The following PARN variants were observed in gnomAD, a reference collection of about 807,000 sequenced individuals.
The protein encoded by PARN is poly(A)-specific ribonuclease.
PARN carries 71 observed loss-of-function variants against 102.8 expected under a neutral mutation model. The observed-to-expected ratio is 0.69, with a 90% CI of 0.57 to 0.84. The LOEUF (loss-of-function observed/expected upper bound fraction) is 0.84, where lower values mean the gene tolerates loss of function less well. Ranked by LOEUF, PARN falls within the 40% of genes least tolerant of loss-of-function variation. The probability of loss-of-function intolerance (pLI) is 0.00; values close to 1 mark genes in which losing one functional copy is unlikely to be tolerated. For missense variants in PARN, 782 were observed against 760.9 expected, an observed-to-expected ratio of 1.03 and a Z score of -0.33; for synonymous variants, 261 against 252.9, an observed-to-expected ratio of 1.03 and a Z score of -0.30.
chr16:14,447,687 T>C (rs1257161684), intron 22 of PARN, among the ~76,000 whole-genome samples: 1 of 152,248 alleles, frequency 6.6e-6, no homozygotes, highest in Non-Finnish European at 1.5e-5. Context: ...AGATTATGTG[T>C]CCTGATTTTT....
chr16:14,495,596 G>A (rs1365054671), intron 21 of PARN, among the ~76,000 whole-genome samples: 9 of 152,240 alleles, frequency 5.9e-5, no homozygotes, highest in Admixed American at 2.6e-4. Context: ...GGACCACAGC[G>A]AGAGGAGAGT....
At chr16:14,479,935 A>C (rs185542706) in intron 22 of PARN, among the ~76,000 whole-genome samples, 1 of 151,888 alleles carries the variant, frequency 6.6e-6, no homozygotes, top group South Asian at 2.1e-4. Context: ...AAAAAAAAAA[A>C]AGAGACAATC....
chr16:14,576,880 T>TA (rs1969177148), intron 18 of PARN, among the ~76,000 whole-genome samples: 1 of 152,166 alleles, frequency 6.6e-6, no homozygotes, highest in African/African-American at 2.4e-5. Flanking sequence ...CAGTATGGCT[T>TA]AAAAAAACAC....
chr16:14,568,952 C>T (rs1228025325), intron 18 of PARN, among the ~76,000 whole-genome samples: 1 of 151,920 alleles, frequency 6.6e-6, no homozygotes, highest in Admixed American at 6.6e-5. Context: ...TGGCTCATGT[C>T]TGAAAACCCA....
intron 23 of PARN, among the ~76,000 whole-genome samples, chr16:14,444,252 C>G (rs913148648): frequency 6.6e-6 from 1 of 152,058 alleles, no homozygotes; most frequent in Non-Finnish European, 1.5e-5. Context: ...CAGAAGAAAG[C>G]TCGATTCACT....
At chr16:14,564,004 C>T (rs907384011) in intron 18 of PARN, among the ~76,000 whole-genome samples, 5 of 152,250 alleles carry the variant, frequency 3.3e-5, no homozygotes, top group Admixed American at 6.5e-5. Flanking sequence ...GAATGGGAGG[C>T]AGATTCTTCC....
chr16:14,479,289 G>GC (rs1963251089), intron 22 of PARN, among the ~76,000 whole-genome samples: 1 of 151,958 alleles, frequency 6.6e-6, no homozygotes, highest in South Asian at 2.1e-4. Flanking sequence ...GGGAGTGATT[G>GC]CAAGTGGCTG....
At chr16:14,541,390 T>C (rs1264473870) in intron 21 of PARN, among the ~76,000 whole-genome samples, 2 of 152,184 alleles carry the variant, frequency 1.3e-5, no homozygotes, top group Non-Finnish European at 2.9e-5. Context: ...CTAAGCTAAG[T>C]TCTGAGCCAC....
At chr16:14,526,897 G>A (rs952988539) in intron 21 of PARN, among the ~76,000 whole-genome samples, 2 of 152,140 alleles carry the variant, frequency 1.3e-5, no homozygotes, top group African/African-American at 4.8e-5. Flanking sequence ...CTGAAGCTCT[G>A]AGGTGAGTAC....
intron 21 of PARN, among the ~76,000 whole-genome samples, chr16:14,526,244 T>G (rs1477122724): frequency 1.4e-5 from 2 of 147,014 alleles, no homozygotes; most frequent in East Asian, 4.1e-4. Flanking sequence ...TGGTGCGATC[T>G]CGGCTCACTG....
At chr16:14,561,756 C>CTA (rs2151720494) in intron 18 of PARN, among the ~76,000 whole-genome samples, 1 of 152,266 alleles carries the variant, frequency 6.6e-6, no homozygotes, top group Admixed American at 6.5e-5. Context: ...CTGCAATGAG[C>CTA]TATAACATGC....
intron 20 of PARN, 124 bp downstream of exon 20, chr16:14,553,941 T>C (rs1176601887): frequency 1.5e-6 from 1 of 652,616 alleles, no homozygotes; most frequent in Non-Finnish European, 2.7e-6. Context: ...ATTCAAAGAG[T>C]GAAATTAAAA....
chr16:14,558,844 T>G (rs1023994499), intron 18 of PARN, among the ~76,000 whole-genome samples: 1 of 152,152 alleles, frequency 6.6e-6, no homozygotes, highest in African/African-American at 2.4e-5. Context: ...TTTGGGAAAC[T>G]TTGAGCTTTG....
intron 22 of PARN, among the ~76,000 whole-genome samples, chr16:14,450,908 G>GA (rs549641367): frequency 5.9e-4 from 86 of 146,690 alleles, no homozygotes; most frequent in Middle Eastern, 3.4e-3. Flanking sequence ...CTGAATCATT[G>GA]AAAAAAAAAA....
At chr16:14,565,301 T>C (rs1254365306) in intron 18 of PARN, among the ~76,000 whole-genome samples, 1 of 151,834 alleles carries the variant, frequency 6.6e-6, no homozygotes, top group African/African-American at 2.4e-5. Context: ...GTGGGGGGAA[T>C]ACAGTTTTCA....
intron 21 of PARN, among the ~76,000 whole-genome samples, chr16:14,512,555 T>A (rs779763837): frequency 6.6e-6 from 1 of 152,102 alleles, no homozygotes; most frequent in Non-Finnish European, 1.5e-5. Flanking sequence ...TAAAGACACC[T>A]GGGGGAATGG....
At chr16:14,508,462 TATAAG>T (rs1965010527) in intron 21 of PARN, among the ~76,000 whole-genome samples, 1 of 152,096 alleles carries the variant, frequency 6.6e-6, no homozygotes, top group African/African-American at 2.4e-5. Flanking sequence ...CAGAACATAA[TATAAG>T]ATTTTTGTTA....
At chr16:14,523,111 G>A (rs767493487) in intron 21 of PARN, among the ~76,000 whole-genome samples, 30 of 151,732 alleles carry the variant, frequency 2.0e-4, no homozygotes, top group Admixed American at 3.3e-4. Flanking sequence ...TAAAGTTATC[G>A]GACAAAAATG....
chr16:14,620,451 A>C (rs1411769075), intron 5 of PARN, among the ~76,000 whole-genome samples: 2 of 152,356 alleles, frequency 1.3e-5, no homozygotes, highest in South Asian at 4.1e-4. Flanking sequence ...AAAATTATGG[A>C]GTTCATACTC....
Sources: gnomAD v4.1 joint callset for allele counts (sites outside exome capture counted in the v4.1 genomes callset) on GRCh38, gnomAD v4.1.1 for gene constraint, MANE v1.5 for transcripts, NCBI Gene and HGNC (gene_info 2026-07-23, HGNC 2026-07-21) for gene names.